The following ZNF540 variants were observed in gnomAD, a reference collection of about 807,000 sequenced individuals.
ZNF540 encodes CTD-3064H18.6.
ZNF540 carries 3 observed loss-of-function variants against 11.8 expected under a neutral mutation model. The ratio of observed to expected loss-of-function variants is 0.25; its 90% CI spans 0.12 to 0.65. ZNF540 has a LOEUF of 0.65. ZNF540 is among the 30% of genes least tolerant of loss of function. The pLI, the probability that ZNF540 is intolerant of heterozygous loss-of-function variation, is 0.83. For missense variants in ZNF540, 709 were observed against 793.1 expected (o/e 0.89, Z 1.27); for synonymous variants, 247 against 259.0 (o/e 0.95, Z 0.45).
chr19:37,560,891 G>A (rs938325676), intron 1 of ZNF540: 1 of 151,754 alleles, frequency 6.6e-6, no homozygotes, highest in Non-Finnish European at 1.5e-5. Context: ...CAGTTATTAA[G>A]TTTCTTCTTT....
chr19:37,556,050 G>A (rs2042655953), intron 1 of ZNF540: 1 of 702,564 alleles, frequency 1.4e-6, no homozygotes, highest in Non-Finnish European at 2.6e-6. Context: ...TGCACCTTTG[G>A]AGCTTCCACA....
At chr19:37,571,168 T>C (rs769630931) in intron 1 of ZNF540, among the ~76,000 whole-genome samples, 1 of 152,266 alleles carries the variant, frequency 6.6e-6, no homozygotes, top group Non-Finnish European at 1.5e-5. Context: ...TAACTGCCCA[T>C]GACCACACAA....
intron 1 of ZNF540, among the ~76,000 whole-genome samples, chr19:37,578,054 ACGGATCTAG>A (rs1568351710): frequency 2.0e-5 from 3 of 152,136 alleles, no homozygotes; most frequent in African/African-American, 7.2e-5. Context: ...TGTGCACAGG[ACGGATCTAG>A]GTTGCGGGCT....
chr19:37,578,335 G>T (rs927759772), intron 1 of ZNF540, among the ~76,000 whole-genome samples: 1 of 152,138 alleles, frequency 6.6e-6, no homozygotes, highest in Non-Finnish European at 1.5e-5. Flanking sequence ...AGTGGGAGAA[G>T]CTCCCTAACA....
chr19:37,612,970 G>C lies in ZNF540; in HGVS notation c.1690G>C (p.Gly564Arg). ...ATGTGGGAAGTCCTTTAGTCGGCGT[G>C]GGCAGTTCACTGAACATCAGAAAAT... is the stretch of plus-strand genomic sequence containing the variant. Reference protein sequence around the residue: ...KECGKSFSRRGQFTEHQKIHT... With the variant: ...KECGKSFSRRRQFTEHQKIHT... The change falls in exon 5 of 5, where the codon GGG becomes CGG. Residue 564 changes from glycine (G) to arginine (R), a missense_variant. Coordinates refer to ENST00000316433, the MANE Select transcript of ZNF540 (RefSeq NM_001172225.3). 6.2e-7 allele frequency: 1 copy of C among 1,614,064 alleles called. No homozygotes were observed. The highest frequency in any genetic ancestry group is 8.5e-7 in the Non-Finnish European group (1 of 1,180,016).
rs769750372 is a variant in ZNF540, at chr19:37,612,256, C to A, written c.976C>A (p.Pro326Thr). ...EHERIHTGKK[P>T]YECKECGKAF... ...TGAGAGAATTCATACAGGTAAGAAA[C>A]CCTATGAATGTAAGGAGTGTGGGAA... Residue 326 changes from proline to threonine, a missense_variant, in exon 5 of 5, where the codon CCC becomes ACC. Transcript: ENST00000316433. 6.2e-7 allele frequency: 1 copy of A among 1,613,780 alleles called. No homozygotes were observed. The highest frequency in any genetic ancestry group is 1.1e-5 in the South Asian group (1 of 91,070).
chr19:37,593,363 TAA>T (rs1349035421), upstream of ZNF540, among the ~76,000 whole-genome samples: 1 of 152,210 alleles, frequency 6.6e-6, no homozygotes, highest in African/African-American at 2.4e-5. Flanking sequence ...GTTAAAATTT[TAA>T]AACTCTTCAA....
chr19:37,609,569 C>T (rs952514579), intron 4 of ZNF540, among the ~76,000 whole-genome samples: 10 of 149,628 alleles, frequency 6.7e-5, no homozygotes, highest in Non-Finnish European at 1.3e-4. Flanking sequence ...GTAGAGTGGC[C>T]GGGCGCAGTG....
At chr19:37,564,766 T>C in intron 1 of ZNF540, 1 of 1,612,982 alleles carries the variant, frequency 6.2e-7, no homozygotes, top group Non-Finnish European at 8.5e-7. Context: ...AGGGTTTCTC[T>C]CCAGTATGAG....
chr19:37,580,627 G>A (rs889025793), intron 1 of ZNF540, among the ~76,000 whole-genome samples: 10 of 152,150 alleles, frequency 6.6e-5, no homozygotes, highest in African/African-American at 1.7e-4. Flanking sequence ...GCTGGTCCCC[G>A]AGAACAGATT....
intron 1 of ZNF540, among the ~76,000 whole-genome samples, chr19:37,581,450 A>ATTTC (rs767046208): frequency 4.2e-5 from 6 of 144,328 alleles, no homozygotes; most frequent in South Asian, 2.2e-4. Flanking sequence ...TTTTATCTCC[A>ATTTC]TTTCTTTCTT....
chr19:37,583,684 C>G, intron 1 of ZNF540: 1 of 245,024 alleles, frequency 4.1e-6, no homozygotes, highest in Non-Finnish European at 7.9e-6. Context: ...GGCTTAGGGA[C>G]TGCACATACA....
chr19:37,603,831 G>A (rs1340751625), intron 4 of ZNF540, among the ~76,000 whole-genome samples: 2 of 152,194 alleles, frequency 1.3e-5, no homozygotes, highest in East Asian at 1.9e-4. Flanking sequence ...AGGCTATTAA[G>A]TTCTATATAG....
At chr19:37,609,898 G>A (rs1358837660) in intron 4 of ZNF540, among the ~76,000 whole-genome samples, 1 of 152,002 alleles carries the variant, frequency 6.6e-6, no homozygotes, top group African/African-American at 2.4e-5. Context: ...ACAGTAGAGT[G>A]AGCATCCAGT....
intron 1 of ZNF540, chr19:37,583,739 C>A: frequency 2.4e-6 from 1 of 417,904 alleles, no homozygotes; most frequent in Non-Finnish European, 4.3e-6. Flanking sequence ...AGGGGATTCC[C>A]AGATTCAAAT....
chr19:37,574,733 A>C (rs2043185225), intron 1 of ZNF540, among the ~76,000 whole-genome samples: 2 of 152,160 alleles, frequency 1.3e-5, no homozygotes, highest in Non-Finnish European at 2.9e-5. Context: ...CTAACTTCCA[A>C]ATGATAGTTT....
intron 1 of ZNF540, among the ~76,000 whole-genome samples, chr19:37,553,254 C>T (rs1463442428): frequency 6.8e-6 from 1 of 148,062 alleles, no homozygotes; most frequent in Non-Finnish European, 1.5e-5. Context: ...CTGCCTCAGC[C>T]TCCTGAGTAG....
chr19:37,562,033 A>G (rs1216827714), intron 1 of ZNF540, among the ~76,000 whole-genome samples: 1 of 152,190 alleles, frequency 6.6e-6, no homozygotes, highest in Non-Finnish European at 1.5e-5. Context: ...ATCATACACT[A>G]TATACAATCA....
At chr19:37,565,466 T>C (rs1251469101) in intron 1 of ZNF540, 2 of 1,613,146 alleles carry the variant, frequency 1.2e-6, no homozygotes, top group African/African-American at 1.3e-5. Context: ...GTATGTAAGG[T>C]GTGAACCAAG....
Sources: allele counts gnomAD v4.1 joint callset (sites outside exome capture counted in the v4.1 genomes callset), GRCh38; gene constraint gnomAD v4.1.1; transcripts MANE v1.5; gene names NCBI Gene and HGNC (gene_info 2026-07-23, HGNC 2026-07-21).